The following ASXL3 variants were observed in gnomAD, a reference collection of about 807,000 sequenced individuals.
ASXL3 encodes putative Polycomb group protein ASXL3.
In ASXL3, 34 loss-of-function variants were observed where a neutral mutation model predicts 170.6. That is an observed-to-expected ratio of 0.20 (90% CI 0.15 to 0.27). The LOEUF (loss-of-function observed/expected upper bound fraction) is 0.27. Ranked by LOEUF, ASXL3 falls within the 10% of genes least tolerant of loss-of-function variation. ASXL3 has a pLI of 1.00. For missense variants in ASXL3, 2,592 were observed against 2,695.3 expected (o/e 0.96, Z 0.85); for synonymous variants, 1,002 against 989.1 (o/e 1.01, Z -0.24).
chr18:33,712,203 A>G (rs1348652934), intron 8 of ASXL3, among the ~76,000 whole-genome samples: 1 of 152,134 alleles, frequency 6.6e-6, no homozygotes, highest in Non-Finnish European at 1.5e-5. Context: ...TTTCCACCTG[A>G]TACATTTATT....
rs1349675639 is a variant in ASXL3 at position 33,740,259 on chromosome 18, T to C, written c.2855T>C (p.Ile952Thr). Reference sequence around the variant, plus strand: ...GAGCCCTCCAAGTCACCTGATGGGATAAGAAATGAAAGTAGAGATTCAGAG... The same window carrying C: ...GAGCCCTCCAAGTCACCTGATGGGACAAGAAATGAAAGTAGAGATTCAGAG... ...SSEPSKSPDG[I>T]RNESRDSEIS... The change falls in exon 11 of 12, where the codon ATA becomes ACA. Residue 952 changes from isoleucine to threonine, a missense_variant. Physicochemically the swap from Ile to Thr is moderately conservative, Grantham distance 89 (BLOSUM62 -1). Transcript: ENST00000269197. The C allele has an allele frequency of 1.2e-6, 2 of 1,613,384 alleles. No individual in the cohort carries two copies. Among genetic ancestry groups the C allele is most frequent in the Non-Finnish European group, 1.7e-6 (2 of 1,179,660 alleles).
At chr18:33,703,730 A>C (rs1000148144) in intron 8 of ASXL3, among the ~76,000 whole-genome samples, 4 of 151,852 alleles carry the variant, frequency 2.6e-5, no homozygotes, top group Non-Finnish European at 5.9e-5. Flanking sequence ...CCCTCACATG[A>C]ATCTATTGGG....
At chr18:33,607,749 G>C (rs912409845) in intron 2 of ASXL3, 73 bp downstream of exon 2, 5 of 1,118,024 alleles carry the variant, frequency 4.5e-6, no homozygotes, top group African/African-American at 3.2e-5. Context: ...AGCGATAGGT[G>C]TATCTAGATT....
Position 33,746,779 on chromosome 18 carries a change from A to T in ASXL3, c.*184A>T. 1 of 954,358 alleles carries T rather than the reference A, an allele frequency of 1.0e-6. No homozygotes were observed. The highest frequency in any genetic ancestry group is 2.3e-5 in the South Asian group (1 of 42,610). 59.1% of individuals were successfully genotyped at this position (954,358 alleles called of 1,614,324 possible). ...AAAGGGGAGGATGCATCCCAACTGA[A>T]TGGCTCACTGGCATGTCTTTTATGT... On this transcript the variant is annotated 3_prime_UTR_variant, in exon 12 of 12. Transcript: ENST00000269197.
chr18:33,656,947 A>T (rs1318781268), intron 4 of ASXL3, among the ~76,000 whole-genome samples: 1 of 152,142 alleles, frequency 6.6e-6, no homozygotes, highest in Non-Finnish European at 1.5e-5. Flanking sequence ...TTTGAATTTG[A>T]TACTTTAAAA....
intron 1 of ASXL3, among the ~76,000 whole-genome samples, chr18:33,582,703 T>C (rs574997224): frequency 6.8e-4 from 93 of 137,772 alleles, no homozygotes; most frequent in African/African-American, 2.4e-3. Flanking sequence ...GGTTGGTTTT[T>C]TTCTGTGTGT....
At chr18:33,719,521 G>A (rs1245065891) in intron 8 of ASXL3, among the ~76,000 whole-genome samples, 1 of 151,988 alleles carries the variant, frequency 6.6e-6, no homozygotes, top group East Asian at 1.9e-4. Flanking sequence ...AAGTCATGTG[G>A]TATAATGGAA....
chr18:33,603,949 C>CT (rs2065215392), intron 1 of ASXL3, among the ~76,000 whole-genome samples: 1 of 152,086 alleles, frequency 6.6e-6, no homozygotes. Context: ...TAATTACAAT[C>CT]TTCCTGGCAG....
At chr18:33,685,679 T>G (rs951140091) in intron 8 of ASXL3, among the ~76,000 whole-genome samples, 5 of 152,170 alleles carry the variant, frequency 3.3e-5, no homozygotes, top group Admixed American at 1.3e-4. Context: ...AAGCATACTG[T>G]TGGCATTTGC....
chr18:33,600,349 G>A (rs927407977), intron 1 of ASXL3, among the ~76,000 whole-genome samples: 21 of 152,010 alleles, frequency 1.4e-4, no homozygotes, highest in African/African-American at 5.1e-4. Flanking sequence ...AATAATTATT[G>A]TTATATTCAA....
intron 11 of ASXL3, 142 bp downstream of exon 11, chr18:33,740,585 C>T: frequency 1.2e-6 from 1 of 839,614 alleles, no homozygotes; most frequent in Non-Finnish European, 1.8e-6. Context: ...AGTAAATGAT[C>T]CTCTTTATGA....
chr18:33,704,561 T>C (rs949989871), intron 8 of ASXL3, among the ~76,000 whole-genome samples: 1 of 152,078 alleles, frequency 6.6e-6, no homozygotes, highest in Non-Finnish European at 1.5e-5. Flanking sequence ...TGAGTAGATA[T>C]AGTGCCTGTG....
At chr18:33,606,518 T>G (rs900610657) in intron 1 of ASXL3, among the ~76,000 whole-genome samples, 1 of 152,016 alleles carries the variant, frequency 6.6e-6, no homozygotes. Flanking sequence ...ATTGACAGTA[T>G]AAGAGATCAC....
chr18:33,642,876 A>T (rs918329791), intron 2 of ASXL3, among the ~76,000 whole-genome samples: 1 of 151,908 alleles, frequency 6.6e-6, no homozygotes. Context: ...TTTAGTACTT[A>T]GTCGTTGCCT....
chr18:33,745,951 C>T lies in ASXL3; in HGVS notation c.6103C>T (p.Pro2035Ser). The change falls in exon 12 of 12, where the codon CCC becomes TCC. Residue 2035 changes from proline to serine, a missense_variant. Around this residue, in one of 4 missense-constraint regions of ASXL3, gnomAD observed 2,246 missense variants for 2,219.6 expected, o/e 1.01. Transcript: ENST00000269197. ...TCCACCCTTGGCTTTGCCCCCGCCT[C>T]CCCCCCCACCACCTCCGCTACCTCC... is the stretch of plus-strand genomic sequence containing the variant. Reference protein sequence around the residue: ...PPPPLALPPPPPPPPPLPPPL... With the variant: ...PPPPLALPPPSPPPPPLPPPL... 1 of 1,386,506 alleles carries T rather than the reference C, an allele frequency of 7.2e-7. No individual in the cohort carries two copies. Among genetic ancestry groups the T allele is most frequent in the Non-Finnish European group, 9.7e-7 (1 of 1,030,752 alleles). The allele number at this position is 1,386,506 out of a possible 1,614,324, so 85.9% of individuals were successfully genotyped here. A position where few individuals can be genotyped will look rare whatever the true frequency, so the allele number is the denominator to read the frequency against.
intron 5 of ASXL3, among the ~76,000 whole-genome samples, chr18:33,668,621 C>T (rs1045807540): frequency 6.6e-6 from 1 of 151,948 alleles, no homozygotes; most frequent in Non-Finnish European, 1.5e-5. Flanking sequence ...TTCCTTTATC[C>T]TTGCCTTGAC....
At chr18:33,680,133 T>C (rs2066492668) in intron 7 of ASXL3, among the ~76,000 whole-genome samples, 1 of 152,042 alleles carries the variant, frequency 6.6e-6, no homozygotes, top group African/African-American at 2.4e-5. Flanking sequence ...ACCAATTGAG[T>C]GGCATTTCAA....
At chr18:33,688,961 C>G (rs886360040) in intron 8 of ASXL3, among the ~76,000 whole-genome samples, 3 of 151,960 alleles carry the variant, frequency 2.0e-5, no homozygotes, top group African/African-American at 7.2e-5. Context: ...GTCACTTTCT[C>G]CCCCAATATA....
At chr18:33,699,155 A>AGAATG (rs1282072341) in intron 8 of ASXL3, among the ~76,000 whole-genome samples, 8 of 152,172 alleles carry the variant, frequency 5.3e-5, no homozygotes, top group Non-Finnish European at 1.2e-4. Context: ...GAAATAAGAA[A>AGAATG]GAATGACTCA....
Sources: allele counts gnomAD v4.1 joint callset (sites outside exome capture counted in the v4.1 genomes callset), GRCh38; gene constraint gnomAD v4.1.1; regional missense constraint gnomAD v4.1.1; transcripts MANE v1.5; gene names NCBI Gene and HGNC (gene_info 2026-07-23, HGNC 2026-07-21).